MAD1L1: variants seen among roughly 807,000 people sequenced by gnomAD.
MAD1L1 encodes the protein mitotic arrest deficient 1 like 1, also known as mitotic spindle assembly checkpoint protein MAD1.
A neutral mutation model predicts 96.9 loss-of-function variants in MAD1L1; 95 were observed. The ratio of observed to expected loss-of-function variants is 0.98; its 90% CI spans 0.83 to 1.16. MAD1L1 has a LOEUF of 1.16. Ranked by LOEUF, MAD1L1 falls within the 50% of genes most tolerant of loss-of-function variation. The pLI is 0.00. For missense variants in MAD1L1, 1,007 were observed against 954.4 expected (o/e 1.06, Z -0.73); for synonymous variants, 473 against 396.6 (o/e 1.19, Z -2.29).
At chr7:1,927,618 A>C (rs1049577929) in intron 17 of MAD1L1, among the ~76,000 whole-genome samples, 1 of 152,232 alleles carries the variant, frequency 6.6e-6, no homozygotes, top group African/African-American at 2.4e-5. Context: ...TAATGGCACA[A>C]TTGGACATCC....
intron 12 of MAD1L1, among the ~76,000 whole-genome samples, chr7:2,019,455 C>T (rs571345640): frequency 2.6e-5 from 4 of 152,380 alleles, no homozygotes; most frequent in East Asian, 1.9e-4. Flanking sequence ...ACCAGCTGTG[C>T]ACCCTTGGGC....
Position 1,833,546 on chromosome 7 carries a change from G to A in MAD1L1, c.1999-17318C>T, listed in dbSNP as rs564674515. On this transcript the variant is annotated intron_variant, in intron 18 of 18. Transcript: ENST00000265854. ...TTAAAAATGTCAGCTACTTGACATC[G>A]ATATAGCACATTCCAGCAGGATACA... Among the ~76,000 whole-genome samples, 13 of 152,278 alleles carry A rather than the reference G, an allele frequency of 8.5e-5. No homozygotes were observed. In the East Asian group the frequency reaches 1.9e-3, roughly 23 times the overall value.
chr7:2,038,288 C>T (rs960070787), intron 12 of MAD1L1, among the ~76,000 whole-genome samples: 7 of 152,098 alleles, frequency 4.6e-5, no homozygotes, highest in African/African-American at 1.4e-4. Flanking sequence ...CAAGTGCTGA[C>T]GGAGAAGCTG....
intron 18 of MAD1L1, chr7:1,846,867 C>T (rs1178370778): frequency 4.3e-6 from 1 of 232,010 alleles, no homozygotes; most frequent in African/African-American, 2.4e-5. Context: ...TCCATTTCAT[C>T]AGCACCCGCA....
chr7:2,002,223 C>T (rs180738132), intron 13 of MAD1L1, 102 bp from the exon 14 acceptor site: 4 of 1,192,888 alleles, frequency 3.4e-6, no homozygotes, highest in Non-Finnish European at 3.7e-6. Context: ...CCTCCACTCT[C>T]TGGGGAGCAA....
rs762733810 is a variant in MAD1L1 at position 1,926,184 on chromosome 7, A to T, written c.1807+10503T>A. On this transcript the variant is annotated intron_variant, in intron 17 of 18. Coordinates refer to ENST00000265854, the MANE Select transcript of MAD1L1 (RefSeq NM_001013836.2). Reference sequence around the variant, plus strand: ...TAATGAACCAGTTCCTCACAATAAAAAAAACCCCAAAACCTACATTCTACC... The same window carrying T: ...TAATGAACCAGTTCCTCACAATAAATAAAACCCCAAAACCTACATTCTACC... Among the ~76,000 whole-genome samples, 103 of 152,208 alleles carry T rather than the reference A, an allele frequency of 6.8e-4. 1 individual carries two copies. The highest frequency in any genetic ancestry group is 3.9e-3 in the Admixed American group (60 of 15,286).
intron 10 of MAD1L1, among the ~76,000 whole-genome samples, chr7:2,203,404 TCA>T (rs1360993624): frequency 6.6e-6 from 1 of 152,232 alleles, no homozygotes; most frequent in East Asian, 1.9e-4. Flanking sequence ...GTGACGGCAG[TCA>T]CACGCCGTGA....
At chr7:2,086,561 T>C (rs1186945850) in intron 11 of MAD1L1, among the ~76,000 whole-genome samples, 3 of 152,178 alleles carry the variant, frequency 2.0e-5, no homozygotes, top group African/African-American at 7.2e-5. Flanking sequence ...TTTCTTTTTT[T>C]TTCTTTTTGG....
At chr7:2,157,257 G>A (rs1489843207) in intron 10 of MAD1L1, among the ~76,000 whole-genome samples, 1 of 152,158 alleles carries the variant, frequency 6.6e-6, no homozygotes, top group African/African-American at 2.4e-5. Context: ...GTTGTGGGGA[G>A]GCCTGGCTCC....
chr7:2,005,399 C>A (rs185614797), intron 13 of MAD1L1, among the ~76,000 whole-genome samples: 2 of 152,206 alleles, frequency 1.3e-5, no homozygotes, highest in Admixed American at 6.5e-5. Context: ...TGAAAACTTA[C>A]AATCTGTGCA....
At chr7:1,916,415 A>G (rs1233153855) in intron 17 of MAD1L1, among the ~76,000 whole-genome samples, 1 of 152,212 alleles carries the variant, frequency 6.6e-6, no homozygotes, top group Non-Finnish European at 1.5e-5. Context: ...TGTGCTAGGC[A>G]GCACGCTGGG....
chr7:2,078,847 C>G (rs1023293157), intron 11 of MAD1L1, among the ~76,000 whole-genome samples: 1 of 152,226 alleles, frequency 6.6e-6, no homozygotes, highest in Non-Finnish European at 1.5e-5. Context: ...CCAGTCCCCA[C>G]ATCCCCAAGG....
chr7:2,152,240 G>A (rs954336802), intron 10 of MAD1L1, among the ~76,000 whole-genome samples: 6 of 152,162 alleles, frequency 3.9e-5, no homozygotes, highest in South Asian at 4.1e-4. Context: ...GATCCCTGCC[G>A]GCTCTCAGTC....
At chr7:1,941,771 C>A (rs1413236951) in intron 16 of MAD1L1, among the ~76,000 whole-genome samples, 1 of 152,234 alleles carries the variant, frequency 6.6e-6, no homozygotes, top group East Asian at 1.9e-4. Flanking sequence ...GCTGGAGCGA[C>A]CTGCGATGGC....
chr7:2,211,180 C>G (rs1465010538), intron 10 of MAD1L1, among the ~76,000 whole-genome samples: 2 of 152,182 alleles, frequency 1.3e-5, no homozygotes, highest in African/African-American at 4.8e-5. Context: ...ACCAGCCCTA[C>G]AGACCAACCC....
chr7:1,990,399 G>C (rs1471003405), intron 14 of MAD1L1, among the ~76,000 whole-genome samples: 1 of 152,230 alleles, frequency 6.6e-6, no homozygotes, highest in Non-Finnish European at 1.5e-5. Context: ...GGCTTCCTAA[G>C]GAGGCCTCGG....
chr7:1,894,141 G>C (rs536513972), intron 18 of MAD1L1, among the ~76,000 whole-genome samples: 1 of 152,354 alleles, frequency 6.6e-6, no homozygotes, highest in African/African-American at 2.4e-5. Context: ...AGGCAGGAAT[G>C]ACAGGTGGAT....
chr7:1,870,000 C>T (rs563080866), intron 18 of MAD1L1, among the ~76,000 whole-genome samples: 5 of 152,298 alleles, frequency 3.3e-5, no homozygotes, highest in South Asian at 4.1e-4. Context: ...CTGCCCCTGC[C>T]GTGCCAACCC....
chr7:2,003,098 G>A (rs1296138603), intron 13 of MAD1L1, among the ~76,000 whole-genome samples: 1 of 2,426 alleles, frequency 4.1e-4, no homozygotes, highest in African/African-American at 1.3e-3. Flanking sequence ...GCCCAGGAGT[G>A]AGGCAGGTGG....
Sources: allele counts gnomAD v4.1 joint callset (sites outside exome capture counted in the v4.1 genomes callset), GRCh38; gene constraint gnomAD v4.1.1; transcripts MANE v1.5; gene names NCBI Gene and HGNC (gene_info 2026-07-23, HGNC 2026-07-21).